FAM135B: variants seen among roughly 807,000 people sequenced by gnomAD.
The protein encoded by FAM135B is protein FAM135B.
In FAM135B, 43 loss-of-function variants were observed where a neutral mutation model predicts 127.7. The observed-to-expected ratio is 0.34, with a 90% confidence interval of 0.26 to 0.43. The LOEUF (loss-of-function observed/expected upper bound fraction) is 0.43, where lower values mean the gene tolerates loss of function less well. Ranked by LOEUF, FAM135B falls within the 20% of genes least tolerant of loss-of-function variation. The pLI, the probability that FAM135B is intolerant of heterozygous loss-of-function variation, is 1.00. For missense variants in FAM135B, 1,558 were observed against 1,725.6 expected, an observed-to-expected ratio of 0.90 and a Z score of 1.72; for synonymous variants, 670 against 665.1, an observed-to-expected ratio of 1.01 and a Z score of -0.11.
chr8:138,317,160 T>G (rs950583478), intron 2 of FAM135B, among the ~76,000 whole-genome samples: 9 of 152,158 alleles, frequency 5.9e-5, no homozygotes, highest in African/African-American at 1.7e-4. Flanking sequence ...ATGAATAAAC[T>G]GTGGAAACTA....
chr8:138,334,541 C>T (rs1828418526), intron 2 of FAM135B, among the ~76,000 whole-genome samples: 1 of 152,170 alleles, frequency 6.6e-6, no homozygotes, highest in Non-Finnish European at 1.5e-5. Context: ...TCTTCCCACT[C>T]CCAACCTCTA....
At chr8:138,249,048 C>T (rs1294791887) in intron 6 of FAM135B, among the ~76,000 whole-genome samples, 1 of 152,030 alleles carries the variant, frequency 6.6e-6, no homozygotes, top group Non-Finnish European at 1.5e-5. Flanking sequence ...TCTGCCTTTC[C>T]TACCCCAGGC....
intron 19 of FAM135B, among the ~76,000 whole-genome samples, chr8:138,133,782 C>T (rs1453894779): frequency 6.6e-6 from 1 of 152,170 alleles, no homozygotes; most frequent in Admixed American, 6.5e-5. Flanking sequence ...CTCCAGTTAT[C>T]AGCAGGGGAG....
chr8:138,249,536 C>T (rs2130468875), intron 6 of FAM135B, among the ~76,000 whole-genome samples: 1 of 152,258 alleles, frequency 6.6e-6, no homozygotes, highest in Non-Finnish European at 1.5e-5. Context: ...CCAGTAAATA[C>T]CCATTGAATG....
intron 1 of FAM135B, among the ~76,000 whole-genome samples, chr8:138,463,917 T>G (rs1587515411): frequency 6.6e-6 from 1 of 152,132 alleles, no homozygotes; most frequent in African/African-American, 2.4e-5. Flanking sequence ...CCAACATGTA[T>G]AGGGCACTTA....
chr8:138,141,310 C>T lies in FAM135B; in HGVS notation c.3678G>A (p.Ser1226=), dbSNP rs369381577. 1.8e-5 allele frequency: 29 copies of T among 1,614,032 alleles called. No individual in the cohort carries two copies. The highest frequency in any genetic ancestry group is 9.3e-5 in the African/African-American group (7 of 74,996). The part of the protein sequence containing the change: ...GHSLGNIIIR[S]VLTRPRFRYY... ...ACCGGAACCGGGGCCGTGTGAGGAC[C>T]GATCGGATGATGATGTTGCCAAGAG... Residue 1226 remains serine, a synonymous_variant, in exon 17 of 20, where the codon TCG becomes TCA. Coordinates refer to ENST00000395297, the MANE Select transcript of FAM135B (RefSeq NM_015912.4). The surrounding 1 kb of genome is among the most constrained non-coding windows in gnomAD (Gnocchi z 4.7).
At chr8:138,345,447 G>A (rs763793937) in intron 2 of FAM135B, among the ~76,000 whole-genome samples, 1 of 152,174 alleles carries the variant, frequency 6.6e-6, no homozygotes, top group African/African-American at 2.4e-5. Flanking sequence ...AAGCTTGGAG[G>A]TAACAGAGTC....
intron 1 of FAM135B, chr8:138,439,213 A>T (rs1009073543): frequency 1.3e-5 from 2 of 152,200 alleles, no homozygotes; most frequent in Non-Finnish European, 2.9e-5. Flanking sequence ...TACAAAGATA[A>T]TATTCTTCTA....
At chr8:138,258,038 T>C (rs1399465817) in intron 4 of FAM135B, among the ~76,000 whole-genome samples, 1 of 152,194 alleles carries the variant, frequency 6.6e-6, no homozygotes, top group Non-Finnish European at 1.5e-5. Flanking sequence ...GCATTTGGCC[T>C]GCAGCTAAAA....
intron 9 of FAM135B, among the ~76,000 whole-genome samples, chr8:138,187,559 C>T (rs1815695494): frequency 6.6e-6 from 1 of 152,170 alleles, no homozygotes; most frequent in Admixed American, 6.5e-5. Flanking sequence ...TTCTGTAACT[C>T]ACTGGGAAAT....
chr8:138,369,193 T>C (rs2131224520), intron 1 of FAM135B, among the ~76,000 whole-genome samples: 1 of 152,176 alleles, frequency 6.6e-6, no homozygotes, highest in South Asian at 2.1e-4. Context: ...TAGCAGGATC[T>C]CAAGACCTGG....
intron 1 of FAM135B, among the ~76,000 whole-genome samples, chr8:138,461,104 T>C (rs1180517818): frequency 6.6e-6 from 1 of 152,188 alleles, no homozygotes; most frequent in Non-Finnish European, 1.5e-5. Context: ...TTTTTTTTAA[T>C]GTCAGTCACT....
intron 12 of FAM135B, among the ~76,000 whole-genome samples, chr8:138,155,745 A>G (rs1294649104): frequency 6.6e-6 from 1 of 152,226 alleles, no homozygotes; most frequent in East Asian, 1.9e-4. Context: ...AGAAGATCTA[A>G]CTGTCCTAAA....
chr8:138,315,861 G>C (rs980648738), intron 2 of FAM135B, among the ~76,000 whole-genome samples: 5 of 152,024 alleles, frequency 3.3e-5, no homozygotes, highest in African/African-American at 1.2e-4. Context: ...GAACGGAGAA[G>C]GGAAAGAAAG....
intron 7 of FAM135B, among the ~76,000 whole-genome samples, chr8:138,205,847 G>C (rs1817510735): frequency 6.6e-6 from 1 of 152,004 alleles, no homozygotes; most frequent in Non-Finnish European, 1.5e-5. Context: ...TGGAACTGAG[G>C]GGTGGGCCTA....
chr8:138,203,229 T>C (rs145014066), intron 7 of FAM135B, among the ~76,000 whole-genome samples: 92 of 152,282 alleles, frequency 6.0e-4, no homozygotes, highest in Middle Eastern at 6.8e-3. Context: ...GGGCTCTAGA[T>C]GTCTATTGTC....
At chr8:138,400,492 C>G (rs1443177920) in intron 1 of FAM135B, among the ~76,000 whole-genome samples, 1 of 152,060 alleles carries the variant, frequency 6.6e-6, no homozygotes, top group African/African-American at 2.4e-5. Flanking sequence ...CCACCCACCA[C>G]CATTAGAATG....
intron 2 of FAM135B, among the ~76,000 whole-genome samples, chr8:138,319,105 G>GT (rs923272570): frequency 2.0e-5 from 3 of 151,576 alleles, no homozygotes; most frequent in African/African-American, 4.9e-5. Flanking sequence ...TTTTGTTGTT[G>GT]TTGTTTGTTT....
chr8:138,221,290 G>A (rs1819006613), intron 7 of FAM135B, among the ~76,000 whole-genome samples: 1 of 152,122 alleles, frequency 6.6e-6, no homozygotes, highest in African/African-American at 2.4e-5. Flanking sequence ...AGGAGTAGGA[G>A]CAATAGAGAG....
Sources: gnomAD v4.1 joint callset for allele counts (sites outside exome capture counted in the v4.1 genomes callset) on GRCh38, gnomAD v4.1.1 for gene constraint, Gnocchi (gnomAD v3.1) non-coding constraint, MANE v1.5 for transcripts, NCBI Gene and HGNC (gene_info 2026-07-23, HGNC 2026-07-21) for gene names.